The following CPSF7 variants were observed in gnomAD, a reference collection of about 807,000 sequenced individuals.
CPSF7 encodes the protein cleavage and polyadenylation specificity factor subunit 7.
Under a neutral mutation model 44.3 loss-of-function variants are expected in CPSF7, and 1 was observed. The observed-to-expected ratio is 0.02, with a 90% CI of 0.01 to 0.11. CPSF7 has a LOEUF of 0.11. Ranked by LOEUF, CPSF7 falls within the 10% of genes least tolerant of loss-of-function variation. The pLI, the probability that CPSF7 is intolerant of heterozygous loss-of-function variation, is 1.00. For missense variants in CPSF7, 443 were observed against 607.2 expected (o/e 0.73, Z 2.84); for synonymous variants, 202 against 222.0 (o/e 0.91, Z 0.80).
chr11:61,403,131 A>C lies in CPSF7; in HGVS notation c.*1579T>G, dbSNP rs1485152247. The C allele has an allele frequency of 6.6e-6, 1 of 152,432 alleles. No individual in the cohort carries two copies. Among genetic ancestry groups the C allele is most frequent in the African/African-American group, 2.4e-5 (1 of 41,390 alleles). The allele number at this position is 152,432 out of a possible 1,614,324, so 9.4% of individuals were successfully genotyped here. On this transcript the variant is annotated 3_prime_UTR_variant, in exon 10 of 10. Coordinates refer to ENST00000439958, the MANE Select transcript of CPSF7 (RefSeq NM_001142565.3). ...CAACCTGTAGCCTCTGTCCCAAGGG[A>C]ATGTGCCTCTCCAATCCTGCGGGGG...
At chr11:61,421,800 T>C (rs1860905122) in intron 2 of CPSF7, among the ~76,000 whole-genome samples, 192 bp from the exon 3 acceptor site, 2 of 152,208 alleles carry the variant, frequency 1.3e-5, no homozygotes, top group Non-Finnish European at 2.9e-5. Flanking sequence ...ATGTACATTT[T>C]TTTCCCCTCA....
intron 9 of CPSF7, among the ~76,000 whole-genome samples, chr11:61,407,909 T>C (rs185833993): frequency 3.9e-5 from 6 of 152,298 alleles, no homozygotes; most frequent in Non-Finnish European, 7.4e-5. Context: ...TCATGAACTA[T>C]AGGGGCTCAC....
In CPSF7 at chr11:61,420,952, C is replaced by T. The variant is rs946651055; in HGVS notation, c.274-379G>A. On this transcript the variant is annotated intron_variant, in intron 3 of 9. Transcript: ENST00000439958. The stretch of plus-strand genomic sequence containing the variant: ...CTTCCTAATTTGGAAAAACCACCCC[C>T]ACCACCAGCCCCAAAACATCACAAA... 4 of 676,754 alleles carry T rather than the reference C, an allele frequency of 5.9e-6. No individual in the cohort carries two copies. The African/African-American group carries it at 7.3e-5, about 12-fold the overall frequency. The allele number at this position is 676,754 out of a possible 1,614,324, so 41.9% of individuals were successfully genotyped here.
At chr11:61,421,170 G>A (rs893267643) in intron 3 of CPSF7, 1 of 1,347,644 alleles carries the variant, frequency 7.4e-7, no homozygotes, top group Non-Finnish European at 1.0e-6. Context: ...GTAACAAGAT[G>A]GCAGAAAAAG....
chr11:61,411,679 C>T, intron 8 of CPSF7, 90 bp downstream of exon 8: 4 of 1,254,822 alleles, frequency 3.2e-6, no homozygotes, highest in East Asian at 4.8e-5. Flanking sequence ...AGGTCTTTCC[C>T]AGATTCCCTG....
Position 61,403,507 on chromosome 11 carries a change from GCT to G in CPSF7, c.*1201_*1202del, listed in dbSNP as rs1859056729. The G allele has an allele frequency of 6.6e-6, 1 of 152,130 alleles. No individual in the cohort carries two copies. The allele number at this position is 152,130 out of a possible 1,614,324, so 9.4% of individuals were successfully genotyped here. On this transcript the variant is annotated 3_prime_UTR_variant, in exon 10 of 10. Transcript: ENST00000439958. ...TCTGAGCTGAGTTCATTCAAGTCGG[GCT>G]CTGTTTCTTCTGGCTCCTCATCTGA...
intron 2 of CPSF7, among the ~76,000 whole-genome samples, chr11:61,424,038 C>G (rs778934263): frequency 6.6e-6 from 1 of 152,112 alleles, no homozygotes; most frequent in Non-Finnish European, 1.5e-5. Flanking sequence ...AAAAGAATAT[C>G]AAGAGACAGT....
At chr11:61,407,144 ACTG>A (rs1157330701) in intron 9 of CPSF7, among the ~76,000 whole-genome samples, 10 of 152,248 alleles carry the variant, frequency 6.6e-5, no homozygotes, top group African/African-American at 2.4e-4. Context: ...TTCTCAAACT[ACTG>A]CTGGATCAGT....
intron 5 of CPSF7, among the ~76,000 whole-genome samples, chr11:61,419,048 A>C (rs930999855): frequency 3.3e-5 from 5 of 151,438 alleles, no homozygotes; most frequent in African/African-American, 1.2e-4. Context: ...TCCAAGATGG[A>C]GTCTTGCTCT....
At chr11:61,429,151 GA>G in intron 2 of CPSF7, 30 bp downstream of exon 2, 1 of 1,326,174 alleles carries the variant, frequency 7.5e-7, no homozygotes, top group Non-Finnish European at 1.1e-6. Flanking sequence ...GATGATCAAG[GA>G]AAATCCCAAA....
chr11:61,427,588 G>C (rs1861501986), intron 2 of CPSF7, among the ~76,000 whole-genome samples: 1 of 151,508 alleles, frequency 6.6e-6, no homozygotes, highest in South Asian at 2.1e-4. Context: ...GGGAGGCAGA[G>C]GTTGCAGTGA....
At chr11:61,406,538 T>G (rs1859337172) in intron 9 of CPSF7, among the ~76,000 whole-genome samples, 1 of 152,136 alleles carries the variant, frequency 6.6e-6, no homozygotes, top group African/African-American at 2.4e-5. Context: ...AGACTATTAT[T>G]CAGATGCAAT....
At chr11:61,423,520 G>T (rs1436101071) in intron 2 of CPSF7, among the ~76,000 whole-genome samples, 1 of 152,066 alleles carries the variant, frequency 6.6e-6, no homozygotes, top group African/African-American at 2.4e-5. Context: ...TTTATTACAA[G>T]AATTAGACAA....
rs1468570895 is a variant in CPSF7 at position 61,416,260 on chromosome 11, A to T, written c.783T>A (p.Pro261=). The change falls in exon 6 of 10, where the codon CCT becomes CCA. Residue 261 remains proline (P), a synonymous_variant. Coordinates refer to ENST00000439958, the MANE Select transcript of CPSF7 (RefSeq NM_001142565.3). Reference sequence around the variant, plus strand: ...CAGCAAGATGAGGAGGTAATCGAGGAGGTGGGGGCATGAGATGCTGGTAGT... The same window carrying T: ...CAGCAAGATGAGGAGGTAATCGAGGTGGTGGGGGCATGAGATGCTGGTAGT... ...GIHYQHLMPP[P]PRLPPHLAVP... 1 of 1,527,244 alleles carries T rather than the reference A, an allele frequency of 6.5e-7. No homozygotes were observed. The highest frequency in any genetic ancestry group is 2.1e-5 in the Admixed American group (1 of 47,166). 94.6% of individuals were successfully genotyped at this position (1,527,244 alleles called of 1,614,324 possible).
intron 5 of CPSF7, among the ~76,000 whole-genome samples, chr11:61,419,741 T>TG (rs1565112005): frequency 6.6e-6 from 1 of 152,156 alleles, no homozygotes; most frequent in Non-Finnish European, 1.5e-5. Flanking sequence ...TGAACCTACT[T>TG]GACTCCCAGC....
rs12289584 is a variant in CPSF7, at chr11:61,421,665, T to C, written c.55-57A>G. ...TGCAAACTTCATTTTGTTCATTCTA[T>C]TTCACTCTAGTTTATTAGAATCCAG... On this transcript the variant is annotated intron_variant, in intron 2 of 9. Transcript: ENST00000439958. 16,255 of 1,218,218 alleles carry C rather than the reference T, an allele frequency of 0.013. 1,678 individuals are homozygous for C. The African/African-American group carries it at 0.22, about 16-fold the overall frequency. 75.5% of individuals were successfully genotyped at this position (1,218,218 alleles called of 1,614,324 possible).
At chr11:61,422,492 T>A (rs1860973017) in intron 2 of CPSF7, among the ~76,000 whole-genome samples, 1 of 152,100 alleles carries the variant, frequency 6.6e-6, no homozygotes, top group African/African-American at 2.4e-5. Context: ...TTTTCAAATT[T>A]TTTTTGTAGA....
chr11:61,423,045 C>A (rs1404287887), intron 2 of CPSF7, among the ~76,000 whole-genome samples: 1 of 128,590 alleles, frequency 7.8e-6, no homozygotes, highest in Non-Finnish European at 1.5e-5. Context: ...AAGGATCACT[C>A]GAGCCCGGGA....
intron 7 of CPSF7, among the ~76,000 whole-genome samples, chr11:61,414,045 G>T (rs939428532): frequency 6.6e-6 from 1 of 152,048 alleles, no homozygotes; most frequent in Non-Finnish European, 1.5e-5. Flanking sequence ...GTGTGAAAGG[G>T]TTGATGAGGA....
Sources: gnomAD v4.1 joint callset for allele counts (sites outside exome capture counted in the v4.1 genomes callset) on GRCh38, gnomAD v4.1.1 for gene constraint, MANE v1.5 for transcripts, NCBI Gene and HGNC (gene_info 2026-07-23, HGNC 2026-07-21) for gene names.